PRELID2: variants seen among roughly 807,000 people sequenced by gnomAD.
The protein encoded by PRELID2 is PRELI domain-containing protein 2.
A neutral mutation model predicts 28.4 loss-of-function variants in PRELID2; 25 were observed. That is an observed-to-expected ratio of 0.88 (90% CI 0.64 to 1.23). The LOEUF (loss-of-function observed/expected upper bound fraction) is 1.23, where lower values mean the gene tolerates loss of function less well. Among genes scored for constraint, PRELID2 ranks in the 50% most tolerant of loss-of-function variants. The probability of loss-of-function intolerance (pLI) is 0.00; values close to 1 mark genes in which losing one functional copy is unlikely to be tolerated. For missense variants in PRELID2, 201 were observed against 214.4 expected, an observed-to-expected ratio of 0.94 and a Z score of 0.39; for synonymous variants, 76 against 71.6, an observed-to-expected ratio of 1.06 and a Z score of -0.31.
chr5:145,357,901 T>C, the PRELID2 span, among the ~76,000 whole-genome samples: 1 of 147,298 alleles, frequency 6.8e-6, no homozygotes, highest in African/African-American at 2.5e-5. Context: ...GTGAAGTTGC[T>C]GTCCCTTGGA....
At chr5:145,655,756 G>C (rs772599890) in intron 1 of PRELID2, among the ~76,000 whole-genome samples, 6 of 152,148 alleles carry the variant, frequency 3.9e-5, no homozygotes, top group Admixed American at 1.3e-4. Context: ...AATTCAAGAT[G>C]CATTAAAGAC....
At chr5:145,733,025 T>C (rs1756389150) in intron 1 of PRELID2, among the ~76,000 whole-genome samples, 1 of 146,956 alleles carries the variant, frequency 6.8e-6, no homozygotes, top group Admixed American at 6.9e-5. Context: ...GGTGGAAGAA[T>C]GGTTGAGCCC....
intron 1 of PRELID2, among the ~76,000 whole-genome samples, chr5:145,567,230 C>T (rs1400602606): frequency 6.6e-6 from 1 of 152,088 alleles, no homozygotes; most frequent in Admixed American, 6.6e-5. Flanking sequence ...GGGTTTGTGT[C>T]CCCACCCAAA....
At chr5:145,320,372 G>T in the PRELID2 span, among the ~76,000 whole-genome samples, 4 of 151,504 alleles carry the variant, frequency 2.6e-5, no homozygotes, top group South Asian at 2.1e-4. Context: ...ACCGCTTCAC[G>T]CCATTCTCCT....
downstream of PRELID2, among the ~76,000 whole-genome samples, chr5:145,468,676 G>A (rs1580948494): frequency 6.6e-6 from 1 of 152,264 alleles, no homozygotes; most frequent in Middle Eastern, 3.4e-3. Flanking sequence ...CAGTGATGAT[G>A]AGCATTTTTT....
intron 4 of PRELID2, among the ~76,000 whole-genome samples, chr5:145,796,802 T>C (rs1441821378): frequency 2.0e-5 from 3 of 152,184 alleles, no homozygotes; most frequent in Non-Finnish European, 2.9e-5. Context: ...CTGAGGTAAT[T>C]ATCAATGATA....
chr5:145,831,142 T>C (rs1755557691), intron 1 of PRELID2, among the ~76,000 whole-genome samples: 1 of 152,234 alleles, frequency 6.6e-6, no homozygotes, highest in Non-Finnish European at 1.5e-5. Flanking sequence ...AAAAAGCTTA[T>C]GCTTTTCAAA....
chr5:145,516,727 A>G (rs1752520138), intron 1 of PRELID2, among the ~76,000 whole-genome samples: 1 of 152,192 alleles, frequency 6.6e-6, no homozygotes, highest in Non-Finnish European at 1.5e-5. Flanking sequence ...ACACGACCTG[A>G]TGTTAAACTA....
Position 145,563,306 on chromosome 5 carries a change from A to T in PRELID2, n.71-89991T>A, listed in dbSNP as rs188301433. ...CGGGACCTCCTGGAGAGTGAAGTCA[A>T]TAAAGAGCCAAGAAATGGAGAATCA... On this transcript the variant is annotated intron_variant and non_coding_transcript_variant, in intron 1 of 2. Coordinates refer to the PRELID2 transcript ENST00000510259. 2.3e-3 allele frequency among the ~76,000 whole-genome samples: 355 copies of T among 152,368 alleles called. 1 individual carries two copies. The highest frequency in any genetic ancestry group is 8.2e-3 in the African/African-American group (340 of 41,588).
the PRELID2 span, among the ~76,000 whole-genome samples, chr5:145,238,963 C>CTCTATCTATCTATCTATCTA: frequency 4.2e-3 from 636 of 151,944 alleles, 5 homozygotes; most frequent in African/African-American, 0.013. Flanking sequence ...ATCTATCTGT[C>CTCTATCTATCTATCTATCTA]TCTATCTATC....
chr5:145,687,773 C>T (rs1755064902), intron 1 of PRELID2, among the ~76,000 whole-genome samples: 1 of 152,100 alleles, frequency 6.6e-6, no homozygotes, highest in South Asian at 2.1e-4. Flanking sequence ...CCACAAACTA[C>T]CAGTATTTCC....
the PRELID2 span, among the ~76,000 whole-genome samples, chr5:145,336,870 C>T: frequency 2.0e-5 from 3 of 148,764 alleles, no homozygotes; most frequent in Admixed American, 6.8e-5. Flanking sequence ...GAACAAAAAA[C>T]CAAACACCGC....
intron 1 of PRELID2, among the ~76,000 whole-genome samples, chr5:145,603,007 G>A (rs1052589733): frequency 2.0e-4 from 30 of 152,002 alleles, no homozygotes; most frequent in African/African-American, 3.1e-4. Flanking sequence ...AGCCAAGACC[G>A]CGCCATTGCA....
intron 1 of PRELID2, among the ~76,000 whole-genome samples, chr5:145,496,655 C>T (rs1437008283): frequency 6.6e-6 from 1 of 152,150 alleles, no homozygotes; most frequent in Non-Finnish European, 1.5e-5. Flanking sequence ...TGCTTGAAGA[C>T]TCTCCATTGG....
the PRELID2 span, among the ~76,000 whole-genome samples, chr5:145,419,113 T>C: frequency 6.6e-6 from 1 of 150,500 alleles, no homozygotes; most frequent in Non-Finnish European, 1.5e-5. Context: ...CCACATTTTC[T>C]TAATCCAGTC....
chr5:145,424,029 C>T, the PRELID2 span, among the ~76,000 whole-genome samples: 1 of 150,474 alleles, frequency 6.6e-6, no homozygotes, highest in South Asian at 2.2e-4. Flanking sequence ...CTGGGGGGTG[C>T]CTCCCAGTTA....
At chr5:145,743,967 A>C (rs1225949975) in intron 1 of PRELID2, among the ~76,000 whole-genome samples, 2 of 152,210 alleles carry the variant, frequency 1.3e-5, no homozygotes, top group Non-Finnish European at 2.9e-5. Context: ...CCATAGCCCC[A>C]GGCCATGCTT....
At chr5:145,679,239 C>T (rs1435628171) in intron 1 of PRELID2, among the ~76,000 whole-genome samples, 1 of 152,174 alleles carries the variant, frequency 6.6e-6, no homozygotes, top group Non-Finnish European at 1.5e-5. Flanking sequence ...GAATCTTCCA[C>T]TCCCTTAGTT....
In PRELID2 at chr5:145,760,277, T is replaced by C. The variant is rs958833947; in HGVS notation, c.*259A>G. The C allele has an allele frequency of 2.6e-5, 4 of 152,092 alleles. No homozygotes were observed. Among genetic ancestry groups the C allele is most frequent in the Non-Finnish European group, 4.4e-5 (3 of 68,020 alleles). 9.4% of individuals were successfully genotyped at this position (152,092 alleles called of 1,614,324 possible). On this transcript the variant is annotated 3_prime_UTR_variant, in exon 7 of 7. Coordinates refer to ENST00000683046, the MANE Select transcript of PRELID2 (RefSeq NM_205846.3). ...GTTCTTTTTTCCTTTATTTGTAAAA[T>C]TATAAAGAGATTGTGTCATAAAAAT... is the stretch of plus-strand genomic sequence containing the variant.
Sources: gnomAD v4.1 joint callset for allele counts (sites outside exome capture counted in the v4.1 genomes callset) on GRCh38, gnomAD v4.1.1 for gene constraint, MANE v1.5 for transcripts, NCBI Gene and HGNC (gene_info 2026-07-23, HGNC 2026-07-21) for gene names.